The following SYN2 variants were observed in gnomAD, a reference collection of about 807,000 sequenced individuals.
The protein encoded by SYN2 is synapsin-2.
SYN2 carries 19 observed loss-of-function variants against 50.9 expected under a neutral mutation model. The observed-to-expected ratio is 0.37, with a 90% CI of 0.26 to 0.55. SYN2 has a LOEUF of 0.55. Among genes scored for constraint, SYN2 ranks in the 20% least tolerant of loss-of-function variants. SYN2 has a pLI of 0.81. For missense variants in SYN2, 587 were observed against 576.4 expected (o/e 1.02, Z -0.19); for synonymous variants, 255 against 224.9 (o/e 1.13, Z -1.20).
intron 1 of SYN2, among the ~76,000 whole-genome samples, chr3:12,008,215 A>G (rs1203567480): frequency 1.3e-5 from 2 of 152,168 alleles, no homozygotes; most frequent in East Asian, 3.9e-4. Context: ...CCAGTGATCA[A>G]GTGAGCTTTT....
chr3:12,026,109 G>T (rs1353113203), intron 1 of SYN2, among the ~76,000 whole-genome samples: 1 of 152,154 alleles, frequency 6.6e-6, no homozygotes, highest in Non-Finnish European at 1.5e-5. Context: ...AGAGTGTTGG[G>T]TTGGGGTCAG....
intron 1 of SYN2, among the ~76,000 whole-genome samples, chr3:12,027,705 A>T (rs2125139475): frequency 6.6e-6 from 1 of 152,346 alleles, no homozygotes; most frequent in East Asian, 1.9e-4. Context: ...TTCCCCAAAG[A>T]TGCATACAGT....
Position 12,167,094 on chromosome 3 carries a change from T to C in SYN2, c.981-140T>C. ...TGGCAGAGGCACCCAGGCTCTAGGC[T>C]CAGCAGACAGACCCCTGGGCTACTT... On this transcript the variant is annotated intron_variant, in intron 7 of 12. Transcript: ENST00000621198. 7.5e-6 allele frequency: 6 copies of C among 803,472 alleles called. No homozygotes were observed. The South Asian group carries it at 9.8e-5, about 13-fold the overall frequency. 49.8% of individuals were successfully genotyped at this position (803,472 alleles called of 1,614,324 possible).
chr3:12,131,039 A>G (rs551196827), intron 1 of SYN2, among the ~76,000 whole-genome samples: 59 of 152,332 alleles, frequency 3.9e-4, no homozygotes, highest in African/African-American at 1.3e-3. Flanking sequence ...GGAGTAGGGC[A>G]GGGCTCCTGC....
At position 12,190,578 on chromosome 3, in the gene SYN2, A is replaced by G. The variant is rs1559462239; in HGVS notation, c.1702A>G (p.Thr568Ala). The change falls in exon 13 of 13, where the codon ACC (threonine) becomes GCC (alanine). Residue 568 changes from threonine to alanine, a missense_variant. Coordinates refer to ENST00000621198, the MANE Select transcript of SYN2 (RefSeq NM_133625.6). ...SANEDEAKAE[T>A]IRSLRKSFAS... The stretch of plus-strand genomic sequence containing the variant: ...CAATGAGGATGAAGCCAAAGCAGAG[A>G]CCATCCGGAGCTTGAGGAAGTCCTT... 6.2e-7 allele frequency: 1 copy of G among 1,613,264 alleles called. No homozygotes were observed. The highest frequency in any genetic ancestry group is 1.1e-5 in the South Asian group (1 of 90,930).
intron 1 of SYN2, among the ~76,000 whole-genome samples, chr3:12,035,203 A>G (rs1467489303): frequency 6.6e-6 from 1 of 152,200 alleles, no homozygotes; most frequent in African/African-American, 2.4e-5. Flanking sequence ...CCATGTCCCC[A>G]TCTTCGGGTC....
chr3:12,046,025 A>T (rs1232453375), intron 1 of SYN2, among the ~76,000 whole-genome samples: 1 of 152,188 alleles, frequency 6.6e-6, no homozygotes, highest in African/African-American at 2.4e-5. Flanking sequence ...TATAGTACTT[A>T]CTACAACTCT....
chr3:12,099,533 C>T (rs1189894921), intron 1 of SYN2, among the ~76,000 whole-genome samples: 1 of 151,948 alleles, frequency 6.6e-6, no homozygotes, highest in Non-Finnish European at 1.5e-5. Flanking sequence ...GAAATCTGTG[C>T]TATAGGTAAA....
chr3:12,156,959 C>T (rs1379681782), intron 5 of SYN2: 1 of 1,549,312 alleles, frequency 6.5e-7, no homozygotes, highest in East Asian at 2.2e-5. Flanking sequence ...CAAAAAAAGG[C>T]AATATTGGGT....
chr3:12,064,909 C>T (rs541397271), intron 1 of SYN2, among the ~76,000 whole-genome samples: 50 of 152,198 alleles, frequency 3.3e-4, no homozygotes, highest in African/African-American at 1.1e-3. Context: ...GTTCACCCAA[C>T]AACTTGTACA....
chr3:12,183,543 C>T (rs766127526), intron 11 of SYN2, 171 bp downstream of exon 11: 74 of 1,533,110 alleles, frequency 4.8e-5, no homozygotes, highest in Admixed American at 2.5e-4. Context: ...GCCGTTGCTG[C>T]GTTCTTTCAA....
At chr3:12,057,735 TC>T (rs1695025628) in intron 1 of SYN2, among the ~76,000 whole-genome samples, 1 of 152,112 alleles carries the variant, frequency 6.6e-6, no homozygotes, top group Non-Finnish European at 1.5e-5. Flanking sequence ...GCTTTTCCAC[TC>T]CCGTGACATG....
At chr3:12,112,707 A>G (rs143824403) in intron 1 of SYN2, among the ~76,000 whole-genome samples, 1 of 152,310 alleles carries the variant, frequency 6.6e-6, no homozygotes, top group African/African-American at 2.4e-5. Context: ...GTCATAGCAA[A>G]TTAATAGTGA....
chr3:12,047,912 G>C (rs1382927735), intron 1 of SYN2, among the ~76,000 whole-genome samples: 2 of 152,226 alleles, frequency 1.3e-5, no homozygotes, highest in East Asian at 3.9e-4. Flanking sequence ...GATTTAAGAT[G>C]GTTCAATAAA....
chr3:12,154,254 A>G (rs1389614920), intron 5 of SYN2: 1 of 1,598,270 alleles, frequency 6.3e-7, no homozygotes, highest in African/African-American at 1.3e-5. Flanking sequence ...GTAAGTGAAT[A>G]AATTCATGCA....
chr3:12,186,515 G>A (rs1275515760), intron 11 of SYN2, among the ~76,000 whole-genome samples: 1 of 152,202 alleles, frequency 6.6e-6, no homozygotes, highest in Non-Finnish European at 1.5e-5. Flanking sequence ...AGGGGAGAGT[G>A]GGGTTTGGAT....
intron 1 of SYN2, among the ~76,000 whole-genome samples, chr3:12,127,953 AT>A (rs35724854): frequency 1.7e-4 from 25 of 149,620 alleles, no homozygotes; most frequent in African/African-American, 4.9e-4. Context: ...AGCTGTTTAC[AT>A]TTTTTTTTTC....
At chr3:12,164,364 G>A (rs184220374) in intron 7 of SYN2, among the ~76,000 whole-genome samples, 1 of 152,330 alleles carries the variant, frequency 6.6e-6, no homozygotes, top group East Asian at 1.9e-4. Flanking sequence ...GGTGACCAGA[G>A]AAGCTTTAGA....
Position 12,050,711 on chromosome 3 carries a change from C to CTTTTTTTTTTTTTTT in SYN2, c.377+45804_377+45818dup, listed in dbSNP as rs57099569. Among the ~76,000 whole-genome samples, 39 of 50,574 alleles carry CTTTTTTTTTTTTTTT rather than the reference C, an allele frequency of 7.7e-4. 14 individuals are homozygous for CTTTTTTTTTTTTTTT. Among genetic ancestry groups the CTTTTTTTTTTTTTTT allele is most frequent in the South Asian group, 4.1e-3 (2 of 486 alleles). The allele number at this position is 50,574 out of a possible 152,430, so 33.2% of individuals were successfully genotyped here. A position where few individuals can be genotyped will look rare whatever the true frequency, so the allele number is the denominator to read the frequency against. On this transcript the variant is annotated intron_variant, in intron 1 of 12. Coordinates refer to ENST00000621198, the MANE Select transcript of SYN2 (RefSeq NM_133625.6). Reference sequence around the variant, plus strand: ...AATAATCTCATCTTTCTTCTCTTCTCTTTTTTTTTTTTTTTTTTTTTTTTT... The same window carrying CTTTTTTTTTTTTTTT: ...AATAATCTCATCTTTCTTCTCTTCTCTTTTTTTTTTTTTTTTTTTTTTTTTTTTTTTTTTTTTTTT...
Sources: allele counts gnomAD v4.1 joint callset (sites outside exome capture counted in the v4.1 genomes callset), GRCh38; gene constraint gnomAD v4.1.1; transcripts MANE v1.5; gene names NCBI Gene and HGNC (gene_info 2026-07-23, HGNC 2026-07-21).